The following TRIOBP variants were observed in gnomAD, a reference collection of about 807,000 sequenced individuals.
TRIOBP encodes the protein TRIO and F-actin-binding protein.
Under a neutral mutation model 238.8 loss-of-function variants are expected in TRIOBP, and 169 were observed. That is an observed-to-expected ratio of 0.71 (90% confidence interval 0.62 to 0.80). The LOEUF (loss-of-function observed/expected upper bound fraction) is 0.80. Ranked by LOEUF, TRIOBP falls within the 30% of genes least tolerant of loss-of-function variation. The pLI is 0.00. For synonymous variants in TRIOBP, 1,150 were observed against 1,274.4 expected (o/e 0.90, Z 2.08); for missense variants, 2,838 against 3,122.6 (o/e 0.91, Z 2.17).
Position 37,734,479 on chromosome 22 carries a change from G to C in TRIOBP, c.4143G>C (p.Lys1381Asn). 1 of 1,612,706 alleles carries C rather than the reference G, an allele frequency of 6.2e-7. No homozygotes were observed. The highest frequency in any genetic ancestry group is 1.3e-5 in the African/African-American group (1 of 75,028). The part of the protein sequence containing the change: ...AEPPHPWSPE[K>N]RPEGDRQLQG... ...CCCCTCATCCTTGGAGTCCTGAGAA[G>C]AGACCTGAGGGAGATCGGCAGCTCC... The change falls in exon 9 of 24, where the codon AAG becomes AAC. Residue 1381 changes from lysine to asparagine, a missense_variant. Lys to Asn is a moderately conservative substitution (Grantham distance 94). Transcript: ENST00000644935.
chr22:37,725,664 C>A lies in TRIOBP; in HGVS notation c.3108C>A (p.Asp1036Glu). The A allele has an allele frequency of 6.2e-7, 1 of 1,612,294 alleles. No individual in the cohort carries two copies. The highest frequency in any genetic ancestry group is 8.5e-7 in the Non-Finnish European group (1 of 1,179,494). Residue 1036 changes from aspartate to glutamate, a missense_variant, in exon 7 of 24, where the codon GAC becomes GAA. Asp to Glu is a conservative substitution (Grantham distance 45, BLOSUM62 2). Transcript: ENST00000644935. ...CGCCCCCTCGCTATTTGCAGCACGA[C>A]CCCTTCCCCTTCTTCCCAGAGCCCC... ...ASSPPRYLQH[D>E]PFPFFPEPRA...
At chr22:37,756,674 C>T (rs1227732959) in intron 15 of TRIOBP, among the ~76,000 whole-genome samples, 1 of 152,204 alleles carries the variant, frequency 6.6e-6, no homozygotes, top group African/African-American at 2.4e-5. Flanking sequence ...CTCGCTCTGC[C>T]GTTTCAGGGG....
At chr22:37,705,527 G>A (rs1601617697) in intron 3 of TRIOBP, among the ~76,000 whole-genome samples, 1 of 152,028 alleles carries the variant, frequency 6.6e-6, no homozygotes, top group Non-Finnish European at 1.5e-5. Context: ...GGCCTTGTGC[G>A]GCTTTGTGGA....
chr22:37,734,794 G>A lies in TRIOBP; in HGVS notation c.4458G>A (p.Glu1486=). 1.2e-6 allele frequency: 2 copies of A among 1,612,450 alleles called. No individual in the cohort carries two copies. Among genetic ancestry groups the A allele is most frequent in the Middle Eastern group, 1.7e-4 (1 of 6,060 alleles). Residue 1486 remains glutamate (E), a synonymous_variant, in exon 9 of 24, where the codon GAG becomes GAA. Transcript: ENST00000644935. ...GGGGCACTTCCAGGGAGTACAAGGA[G>A]AGCTGGGGGCAGCCAGAGGCCTGGG... The part of the protein sequence containing the change: ...AWGGTSREYK[E]SWGQPEAWEE...
intron 18 of TRIOBP, among the ~76,000 whole-genome samples, chr22:37,767,065 A>T (rs1364345492): frequency 6.6e-6 from 1 of 152,176 alleles, no homozygotes; most frequent in Non-Finnish European, 1.5e-5. Flanking sequence ...AGCCTGGCCA[A>T]GATGGTGAAA....
rs1926105705 is a variant in TRIOBP, at chr22:37,759,173, A to T, written c.6233A>T (p.Gln2078Leu). The T allele has an allele frequency of 6.2e-7, 1 of 1,612,744 alleles. No individual in the cohort carries two copies. Among genetic ancestry groups the T allele is most frequent in the Non-Finnish European group, 8.5e-7 (1 of 1,179,870 alleles). Reference sequence around the variant, plus strand: ...TCGTAGGTTCAGGCTCTTCGGGCCCAGCTGGAGGCGTGGCGTCTCCAAGGG... The same window carrying T: ...TCGTAGGTTCAGGCTCTTCGGGCCCTGCTGGAGGCGTGGCGTCTCCAAGGG... ...LEKEVQALRA[Q>L]LEAWRLQGEA... The change falls in exon 17 of 24, where the codon CAG (glutamine) becomes CTG (leucine). Residue 2078 changes from glutamine (Q) to leucine (L), a missense_variant. Around this residue, in one of 5 missense-constraint regions of TRIOBP, gnomAD observed 2,096 missense variants for 2,137.4 expected, o/e 0.98. Coordinates refer to ENST00000644935, the MANE Select transcript of TRIOBP (RefSeq NM_001039141.3).
At chr22:37,766,101 C>G (rs974667168) in intron 18 of TRIOBP, among the ~76,000 whole-genome samples, 1 of 152,310 alleles carries the variant, frequency 6.6e-6, no homozygotes, top group East Asian at 1.9e-4. Flanking sequence ...TAGAGTCTGC[C>G]TAAAGGCACA....
At chr22:37,767,140 A>G (rs1377584004) in intron 18 of TRIOBP, among the ~76,000 whole-genome samples, 1 of 151,998 alleles carries the variant, frequency 6.6e-6, no homozygotes, top group Non-Finnish European at 1.5e-5. Context: ...AATCCCAGCT[A>G]CTCAGGAGGC....
chr22:37,717,054 G>A (rs912480331), intron 6 of TRIOBP, among the ~76,000 whole-genome samples: 2 of 152,158 alleles, frequency 1.3e-5, no homozygotes, highest in African/African-American at 2.4e-5. Flanking sequence ...TCTTAAAGGC[G>A]GCGTGTCTGG....
At chr22:37,727,281 G>A (rs1430486158) in intron 7 of TRIOBP, among the ~76,000 whole-genome samples, 1 of 151,760 alleles carries the variant, frequency 6.6e-6, no homozygotes, top group Non-Finnish European at 1.5e-5. Flanking sequence ...CGTGCATGAG[G>A]GAGAAGAAGA....
intron 6 of TRIOBP, among the ~76,000 whole-genome samples, chr22:37,717,235 C>G (rs1923568719): frequency 6.6e-6 from 1 of 152,116 alleles, no homozygotes; most frequent in Non-Finnish European, 1.5e-5. Context: ...GTCTGGATGG[C>G]TTCAGGAGTG....
chr22:37,726,332 G>T lies in TRIOBP; in HGVS notation c.3776G>T (p.Gly1259Val), dbSNP rs1353648114. 9 of 1,611,996 alleles carry T rather than the reference G, an allele frequency of 5.6e-6. No homozygotes were observed. Among genetic ancestry groups the T allele is most frequent in the Non-Finnish European group, 7.6e-6 (9 of 1,179,600 alleles). The part of the protein sequence containing the change: ...SGGSRGSAPP[G>V]ETRHNLEREE... ...GGCTCCCGGGGCTCAGCGCCTCCCGGGGAGACCAGGCACAACTTGGAGCGG... is the reference window on the plus strand; with the variant it reads ...GGCTCCCGGGGCTCAGCGCCTCCCGTGGAGACCAGGCACAACTTGGAGCGG... Residue 1259 changes from glycine to valine, a missense_variant, in exon 7 of 24, where the codon GGG becomes GTG. Gly to Val is a moderately radical substitution (Grantham distance 109). Around this residue, in one of 5 missense-constraint regions of TRIOBP, gnomAD observed 2,096 missense variants for 2,137.4 expected, o/e 0.98. Coordinates refer to ENST00000644935, the MANE Select transcript of TRIOBP (RefSeq NM_001039141.3).
intron 6 of TRIOBP, among the ~76,000 whole-genome samples, chr22:37,717,442 A>T (rs955524000): frequency 6.6e-6 from 1 of 152,098 alleles, no homozygotes; most frequent in Non-Finnish European, 1.5e-5. Context: ...CATCCTGCTG[A>T]TTGGTCCATT....
At chr22:37,751,579 G>A in intron 11 of TRIOBP, 193 bp from the exon 12 acceptor site, 1 of 640,658 alleles carries the variant, frequency 1.6e-6, no homozygotes, top group Non-Finnish European at 2.8e-6. Flanking sequence ...CAGGAAAGGG[G>A]CCAGGGCTGC....
chr22:37,742,304 C>A (rs915257267), intron 11 of TRIOBP, among the ~76,000 whole-genome samples: 1 of 150,280 alleles, frequency 6.7e-6, no homozygotes, highest in African/African-American at 2.4e-5. Flanking sequence ...CGTTCTACCC[C>A]CAGACTGGAG....
intron 21 of TRIOBP, 30 bp from the exon 22 acceptor site, chr22:37,771,620 C>T: frequency 1.2e-6 from 2 of 1,608,374 alleles, no homozygotes; most frequent in Non-Finnish European, 1.7e-6. Flanking sequence ...GGCTTCTGGC[C>T]CTGGGTCAGT....
In TRIOBP at chr22:37,769,110, A is replaced by G. The variant is rs1569063625; in HGVS notation, c.6658A>G (p.Met2220Val). The G allele has an allele frequency of 5.0e-6, 8 of 1,613,420 alleles. No homozygotes were observed. Among genetic ancestry groups the G allele is most frequent in the Middle Eastern group, 1.7e-4 (1 of 5,974 alleles). ...GAAGTGCCTGGAGATTGGGGCACTC[A>G]TGCGGCAGGCTGAGGAGCGCGAGCA... ...SQKCLEIGAL[M>V]RQAEEREHTL... is the part of the protein sequence containing the mutation. The change falls in exon 20 of 24, where the codon ATG (methionine) becomes GTG (valine). Residue 2220 changes from methionine to valine, a missense_variant. Physicochemically the swap from Met to Val is conservative, Grantham distance 21. Transcript: ENST00000644935.
rs34625454 is a variant in TRIOBP at position 37,702,634 on chromosome 22, C to CTTTTTTTTTTTTTTTTTTT, written c.114+1161_114+1179dup. Reference sequence around the variant, plus strand: ...ATCTAGAGATTTTCTTTCTCTCTCTCTTTTTTTTTTTTTTTTTTTTTTTTG... The same window carrying CTTTTTTTTTTTTTTTTTTT: ...ATCTAGAGATTTTCTTTCTCTCTCTCTTTTTTTTTTTTTTTTTTTTTTTTTTTTTTTTTTTTTTTTTTTG... On this transcript the variant is annotated intron_variant, in intron 3 of 23. Transcript: ENST00000644935. 6.2e-5 allele frequency among the ~76,000 whole-genome samples: 5 copies of CTTTTTTTTTTTTTTTTTTT among 81,202 alleles called. 1 individual carries two copies. The highest frequency in any genetic ancestry group is 2.5e-4 in the African/African-American group (5 of 20,072). The allele number at this position is 81,202 out of a possible 152,430, so 53.3% of individuals were successfully genotyped here. A position where few individuals can be genotyped will look rare whatever the true frequency, so the allele number is the denominator to read the frequency against.
At chr22:37,749,760 A>G (rs896540391) in intron 11 of TRIOBP, among the ~76,000 whole-genome samples, 1 of 150,506 alleles carries the variant, frequency 6.6e-6, no homozygotes, top group Non-Finnish European at 1.5e-5. Context: ...CAACCTGGGA[A>G]ACATAGGGAG....
Sources: allele counts gnomAD v4.1 joint callset (sites outside exome capture counted in the v4.1 genomes callset), GRCh38; gene constraint gnomAD v4.1.1; regional missense constraint gnomAD v4.1.1; transcripts MANE v1.5; gene names NCBI Gene and HGNC (gene_info 2026-07-23, HGNC 2026-07-21).